Variants in TARBP1 observed in about 807,000 individuals in gnomAD.
TARBP1 encodes tRNA (guanosine(18)-2'-O)-methyltransferase TARBP1.
Under a neutral mutation model 178.6 loss-of-function variants are expected in TARBP1, and 144 were observed. The ratio of observed to expected loss-of-function variants is 0.81; its 90% CI spans 0.70 to 0.93. The LOEUF (loss-of-function observed/expected upper bound fraction) is 0.93. Among genes scored for constraint, TARBP1 ranks in the 40% least tolerant of loss-of-function variants. The pLI, the probability that TARBP1 is intolerant of heterozygous loss-of-function variation, is 0.00. For synonymous variants in TARBP1, 787 were observed against 781.0 expected, an observed-to-expected ratio of 1.01 and a Z score of -0.13; for missense variants, 2,067 against 2,011.7, an observed-to-expected ratio of 1.03 and a Z score of -0.53.
At chr1:234,409,988 T>C (rs1408834878) in intron 23 of TARBP1, among the ~76,000 whole-genome samples, 1 of 152,212 alleles carries the variant, frequency 6.6e-6, no homozygotes, top group Admixed American at 6.5e-5. Context: ...GTAACTGTAC[T>C]GCACACTCCA....
At chr1:234,424,971 G>C (rs1451939007) in intron 20 of TARBP1, among the ~76,000 whole-genome samples, 2 of 151,870 alleles carry the variant, frequency 1.3e-5, no homozygotes. Context: ...TGAGGCAGGA[G>C]AATCACTTGA....
chr1:234,448,817 G>A (rs1666444558), intron 10 of TARBP1, among the ~76,000 whole-genome samples: 2 of 152,174 alleles, frequency 1.3e-5, no homozygotes, highest in Non-Finnish European at 2.9e-5. Flanking sequence ...CCTGGGTGCT[G>A]CAGACCCAGT....
intron 9 of TARBP1, among the ~76,000 whole-genome samples, chr1:234,455,610 C>T (rs1461208572): frequency 1.3e-5 from 2 of 152,138 alleles, no homozygotes; most frequent in Admixed American, 1.3e-4. Context: ...ATATCAAAAA[C>T]ACCTTTGTTT....
In TARBP1 at chr1:234,429,662, C is replaced by T. The variant is rs547895950; in HGVS notation, c.2625G>A (p.Ser875=). 117 of 1,598,606 alleles carry T rather than the reference C, an allele frequency of 7.3e-5. No individual in the cohort carries two copies. The highest frequency in any genetic ancestry group is 1.1e-4 in the Admixed American group (6 of 56,340). ...TTTTTCCCCATCCTTGGGAAGATGA[C>T]GATTCTTCCAAAACACTGAAATAAA... ...PLECSSVLEE[S]SSSQGWGKIV... Residue 875 remains serine (S), a synonymous_variant, in exon 16 of 30, where the codon TCG becomes TCA. Coordinates refer to ENST00000040877, the MANE Select transcript of TARBP1 (RefSeq NM_005646.4).
In TARBP1 at chr1:234,478,387, C is replaced by T. The variant is rs949048851; in HGVS notation, c.717G>A (p.Lys239=). ...GGTCGCCGCCGGGCTCGGGCAACAG[C>T]TTCTCGGCCAGGGCGCTCAGGACCA... is the stretch of plus-strand genomic sequence containing the variant. ...KLLVLSALAE[K]LLPEPGGDRA... Residue 239 remains lysine (K), a synonymous_variant, in exon 1 of 30, where the codon AAG becomes AAA. Coordinates refer to ENST00000040877, the MANE Select transcript of TARBP1 (RefSeq NM_005646.4). 6 of 1,342,706 alleles carry T rather than the reference C, an allele frequency of 4.5e-6. No homozygotes were observed. The South Asian group carries it at 5.1e-5, about 11-fold the overall frequency. 83.2% of individuals were successfully genotyped at this position (1,342,706 alleles called of 1,614,324 possible). A position where few individuals can be genotyped will look rare whatever the true frequency, so the allele number is the denominator to read the frequency against.
intron 24 of TARBP1, among the ~76,000 whole-genome samples, chr1:234,404,601 G>C (rs898749661): frequency 1.3e-5 from 2 of 152,250 alleles, no homozygotes; most frequent in Non-Finnish European, 1.5e-5. Context: ...GAATTGTAGG[G>C]GTCCCTGGCA....
At chr1:234,470,679 G>C (rs1012818936) in intron 3 of TARBP1, among the ~76,000 whole-genome samples, 1 of 151,568 alleles carries the variant, frequency 6.6e-6, no homozygotes, top group Non-Finnish European at 1.5e-5. Flanking sequence ...GCAGCAGTGT[G>C]ATCTTGGCTC....
chr1:234,421,770 T>C (rs1663128043), intron 20 of TARBP1, among the ~76,000 whole-genome samples: 2 of 152,242 alleles, frequency 1.3e-5, no homozygotes, highest in South Asian at 4.1e-4. Context: ...GCTTTGGCCA[T>C]AAAGCAAGAT....
intron 9 of TARBP1, among the ~76,000 whole-genome samples, chr1:234,453,083 G>T (rs1397797453): frequency 3.3e-5 from 5 of 152,162 alleles, no homozygotes; most frequent in Non-Finnish European, 7.3e-5. Flanking sequence ...AGAGCACAGA[G>T]AATTTTTGGG....
At chr1:234,455,127 T>A (rs1208456541) in intron 9 of TARBP1, among the ~76,000 whole-genome samples, 1 of 152,146 alleles carries the variant, frequency 6.6e-6, no homozygotes, top group Non-Finnish European at 1.5e-5. Context: ...CCAGCCAGAA[T>A]CTTAATTGCA....
chr1:234,429,574 T>A lies in TARBP1; in HGVS notation c.2713A>T (p.Thr905Ser). 1.2e-6 allele frequency: 2 copies of A among 1,613,834 alleles called. No individual in the cohort carries two copies. Among genetic ancestry groups the A allele is most frequent in the Non-Finnish European group, 1.7e-6 (2 of 1,179,952 alleles). The change falls in exon 16 of 30, where the codon ACC becomes TCC. Residue 905 changes from threonine to serine, a missense_variant. Transcript: ENST00000040877. ...CLSFLLKKYH[T>S]LIPTTGSEIL... ...TCACTCCCTGTGGTTGGTATAAGGGTGTGATATTTTTTCAACAGGAAAGAG... is the reference window on the plus strand; with the variant it reads ...TCACTCCCTGTGGTTGGTATAAGGGAGTGATATTTTTTCAACAGGAAAGAG...
In TARBP1 at chr1:234,429,293, T is replaced by C; in HGVS notation, c.2903A>G (p.Glu968Gly). The change falls in exon 17 of 30, where the codon GAG becomes GGG. Residue 968 changes from glutamate (E) to glycine (G), a missense_variant. Physicochemically the swap from Glu to Gly is moderately conservative, Grantham distance 98. Transcript: ENST00000040877. ...LLTSSESLCI[E>G]SFDMAWKIIS... ...AATTTTCCACGCCATGTCAAAAGAC[T>C]CTATGCAGAGTGATTCAGAGGAAGT... The C allele has an allele frequency of 6.3e-7, 1 of 1,593,114 alleles. No homozygotes were observed. The highest frequency in any genetic ancestry group is 2.2e-5 in the East Asian group (1 of 44,798).
intron 22 of TARBP1, among the ~76,000 whole-genome samples, chr1:234,412,353 T>C (rs1361287749): frequency 2.8e-5 from 4 of 144,948 alleles, no homozygotes; most frequent in Admixed American, 1.4e-4. Context: ...ACCCAGGAGA[T>C]GGAGGTTGCA....
At chr1:234,441,857 A>G (rs1665632659) in intron 12 of TARBP1, among the ~76,000 whole-genome samples, 1 of 152,196 alleles carries the variant, frequency 6.6e-6, no homozygotes, top group South Asian at 2.1e-4. Flanking sequence ...TTCAAGGTTT[A>G]TCCACGTTGT....
rs76746159 is a variant in TARBP1 at position 234,438,381 on chromosome 1, C to T, written c.2135-1009G>A. On this transcript the variant is annotated intron_variant, in intron 12 of 29. Transcript: ENST00000040877. Reference sequence around the variant, plus strand: ...CATTAAAGCAGCTCTAATAAAAATGCTTTAGCAAGCAATCAATGACAATCT... The same window carrying T: ...CATTAAAGCAGCTCTAATAAAAATGTTTTAGCAAGCAATCAATGACAATCT... 5.0e-3 allele frequency among the ~76,000 whole-genome samples: 765 copies of T among 152,232 alleles called. 2 individuals are homozygous for T. Among genetic ancestry groups the T allele is most frequent in the Non-Finnish European group, 7.8e-3 (530 of 68,010 alleles).
chr1:234,469,122 C>G (rs1455828244), intron 3 of TARBP1, among the ~76,000 whole-genome samples: 1 of 132,958 alleles, frequency 7.5e-6, no homozygotes, highest in Non-Finnish European at 1.6e-5. Flanking sequence ...TCGCACCAAC[C>G]TAATAGCATG....
chr1:234,478,236 T>C lies in TARBP1; in HGVS notation c.868A>G (p.Arg290Gly), dbSNP rs765168791. The change falls in exon 1 of 30, where the codon AGG becomes GGG. Residue 290 changes from arginine to glycine, a missense_variant. Physicochemically the swap from Arg to Gly is moderately radical, Grantham distance 125. Transcript: ENST00000040877. Reference protein sequence around the residue: ...TRKRARYLLQRAVEVSAELGA... With the variant: ...TRKRARYLLQGAVEVSAELGA... ...AGCTCCGCCGACACCTCCACCGCCC[T>C]CTGCAGCAGGTAGCGCGCTCGCTTG... The C allele has an allele frequency of 3.1e-6, 5 of 1,611,112 alleles. No homozygotes were observed. The highest frequency in any genetic ancestry group is 4.2e-6 in the Non-Finnish European group (5 of 1,179,308).
Position 234,460,342 on chromosome 1 carries a change from A to G in TARBP1, c.1454T>C (p.Val485Ala). 1 of 1,614,258 alleles carries G rather than the reference A, an allele frequency of 6.2e-7. No individual in the cohort carries two copies. The highest frequency in any genetic ancestry group is 8.5e-7 in the Non-Finnish European group (1 of 1,180,042). ...AGCCTTAGATAGAAACAAAATGGGA[A>G]CAGCACACCAATGCCTACTTGTCAT... ...RKMTSRHWCAVPILFLSKALA... is the reference protein window; with the variant it reads ...RKMTSRHWCAAPILFLSKALA... Residue 485 changes from valine (V) to alanine (A), a missense_variant, in exon 7 of 30, where the codon GTT becomes GCT. Val to Ala is a moderately conservative substitution (Grantham distance 64). Coordinates refer to ENST00000040877, the MANE Select transcript of TARBP1 (RefSeq NM_005646.4).
intron 8 of TARBP1, 90 bp downstream of exon 8, chr1:234,459,140 C>A: frequency 1.2e-6 from 1 of 826,000 alleles, no homozygotes; most frequent in South Asian, 1.8e-5. Flanking sequence ...TTTCTAATGG[C>A]AGTATCACAG....
Sources: allele counts gnomAD v4.1 joint callset (sites outside exome capture counted in the v4.1 genomes callset), GRCh38; gene constraint gnomAD v4.1.1; transcripts MANE v1.5; gene names NCBI Gene and HGNC (gene_info 2026-07-23, HGNC 2026-07-21).